Variants in ETV1 observed in about 807,000 individuals in gnomAD.
ETV1 encodes the protein ETS variant transcription factor 1.
In ETV1, 27 loss-of-function variants were observed where a neutral mutation model predicts 62.3. That is an observed-to-expected ratio of 0.43 (90% CI 0.32 to 0.60). The LOEUF (loss-of-function observed/expected upper bound fraction) is 0.60, where lower values mean the gene tolerates loss of function less well. ETV1 is among the 20% of genes least tolerant of loss of function. The probability of loss-of-function intolerance (pLI) is 0.06; values close to 1 mark genes in which losing one functional copy is unlikely to be tolerated. For synonymous variants in ETV1, 222 were observed against 199.6 expected (o/e 1.11, Z -0.94); for missense variants, 605 against 605.8 (o/e 1.00, Z 0.01).
At chr7:13,940,164 A>G (rs1787310620) in intron 6 of ETV1, among the ~76,000 whole-genome samples, 3 of 152,180 alleles carry the variant, frequency 2.0e-5, no homozygotes, top group African/African-American at 4.8e-5. Context: ...GGAGTTCAAG[A>G]CCAGCCTGAG....
In ETV1 at chr7:13,989,047, A is replaced by AGCAAG; in HGVS notation, c.5_6insCTTGC (p.Gly3LeufsTer50). On this transcript the variant is annotated frameshift_variant, in exon 3 of 14. Transcript: ENST00000430479. LOFTEE classifies it high-confidence loss of function. ...AAGGCACTTGCTGGTCATAAAATCC[A>AGCAAG]TCCATGCTGCTGCTCTTCGCAAATC... The AGCAAG allele has an allele frequency of 6.2e-7, 1 of 1,604,132 alleles. No homozygotes were observed. The highest frequency in any genetic ancestry group is 8.5e-7 in the Non-Finnish European group (1 of 1,175,064).
At chr7:13,969,064 A>G (rs879806447) in intron 6 of ETV1, among the ~76,000 whole-genome samples, 4 of 152,204 alleles carry the variant, frequency 2.6e-5, no homozygotes, top group African/African-American at 4.8e-5. Context: ...CATGGAACAC[A>G]TCTGCACCAG....
intron 6 of ETV1, among the ~76,000 whole-genome samples, chr7:13,965,674 C>T (rs959655308): frequency 2.0e-5 from 3 of 151,960 alleles, no homozygotes; most frequent in African/African-American, 7.3e-5. Flanking sequence ...AGTATTTGTC[C>T]TAATAGAGAT....
chr7:13,896,328 C>T (rs887182288), intron 13 of ETV1, among the ~76,000 whole-genome samples: 17 of 151,778 alleles, frequency 1.1e-4, no homozygotes, highest in African/African-American at 4.1e-4. Flanking sequence ...TAATTAATTC[C>T]AGATATAGCT....
intron 9 of ETV1, among the ~76,000 whole-genome samples, chr7:13,928,734 G>A (rs1785731006): frequency 1.3e-5 from 2 of 152,246 alleles, no homozygotes; most frequent in Admixed American, 6.5e-5. Flanking sequence ...AAGGTGGCCC[G>A]ATCACCAGAG....
At chr7:13,991,005 G>A (rs1467172485), upstream of ETV1, 2 of 152,410 alleles carry the variant, frequency 1.3e-5, no homozygotes, top group South Asian at 2.1e-4. Flanking sequence ...TAAAAAAGAA[G>A]CAAACAAACA....
intron 9 of ETV1, among the ~76,000 whole-genome samples, chr7:13,920,336 C>T (rs544842235): frequency 1.3e-5 from 2 of 152,218 alleles, no homozygotes; most frequent in South Asian, 4.1e-4. Context: ...CAAGCAGGAC[C>T]AATGAGCATT....
intron 13 of ETV1, among the ~76,000 whole-genome samples, chr7:13,898,442 A>G (rs187233745): frequency 5.8e-4 from 89 of 152,334 alleles, no homozygotes; most frequent in African/African-American, 2.1e-3. Flanking sequence ...CCAGAATATA[A>G]TCACCATTAA....
Position 13,986,618 on chromosome 7 carries a change from T to G in ETV1, c.181+20A>C. On this transcript the variant is annotated intron_variant, in intron 5 of 13. Transcript: ENST00000430479. Reference sequence around the variant, plus strand: ...CTTCTAGAGTTGCTTTCCCCCCTTTTAAAGCAAATTTTGCCTTACCTTCTG... The same window carrying G: ...CTTCTAGAGTTGCTTTCCCCCCTTTGAAAGCAAATTTTGCCTTACCTTCTG... The G allele has an allele frequency of 1.2e-6, 2 of 1,611,160 alleles. No homozygotes were observed. The highest frequency in any genetic ancestry group is 1.7e-6 in the Non-Finnish European group (2 of 1,178,228).
At position 13,895,107 on chromosome 7, in the gene ETV1, G is replaced by A. The variant is rs143793620; in HGVS notation, c.*759C>T. On this transcript the variant is annotated 3_prime_UTR_variant, in exon 14 of 14. Transcript: ENST00000430479. ...ATGGGCTTCAAAATATTTAAAAGACGGTATGATTTGTATCTAAACAGCAAG... is the reference window on the plus strand; with the variant it reads ...ATGGGCTTCAAAATATTTAAAAGACAGTATGATTTGTATCTAAACAGCAAG... The A allele has an allele frequency of 1.0e-3, 234 of 233,272 alleles. No individual in the cohort carries two copies. Among genetic ancestry groups the A allele is most frequent in the African/African-American group, 4.7e-3 (213 of 45,414 alleles). 14.5% of individuals were successfully genotyped at this position (233,272 alleles called of 1,614,324 possible). A position where few individuals can be genotyped will look rare whatever the true frequency, so the allele number is the denominator to read the frequency against.
chr7:13,920,955 A>T (rs6973935), intron 9 of ETV1, among the ~76,000 whole-genome samples: 2 of 152,044 alleles, frequency 1.3e-5, no homozygotes, highest in African/African-American at 4.8e-5. Flanking sequence ...CACTTTTCAC[A>T]ATTGAAGCAC....
intron 8 of ETV1, among the ~76,000 whole-genome samples, chr7:13,935,266 A>G (rs1428893133): frequency 6.6e-6 from 1 of 152,192 alleles, no homozygotes; most frequent in Non-Finnish European, 1.5e-5. Flanking sequence ...CAAATAAGTT[A>G]TATTCTGCAA....
At chr7:13,977,296 G>A (rs1052783517) in intron 6 of ETV1, 131 bp downstream of exon 6, 2 of 576,594 alleles carry the variant, frequency 3.5e-6, no homozygotes, top group African/African-American at 3.8e-5. Flanking sequence ...ATCATCTTAT[G>A]GCTGTAAGTT....
chr7:13,953,316 A>T (rs949503090), intron 6 of ETV1, among the ~76,000 whole-genome samples: 2 of 152,126 alleles, frequency 1.3e-5, no homozygotes, highest in Non-Finnish European at 2.9e-5. Context: ...CCTAATTATG[A>T]CCTTTATGAA....
chr7:13,977,704 G>A (rs551254246), intron 5 of ETV1, among the ~76,000 whole-genome samples: 7 of 152,188 alleles, frequency 4.6e-5, no homozygotes, highest in African/African-American at 1.7e-4. Context: ...GTCAGAAATA[G>A]GATGATGGCA....
chr7:13,956,930 A>C (rs1478848742), intron 6 of ETV1, among the ~76,000 whole-genome samples: 1 of 152,200 alleles, frequency 6.6e-6, no homozygotes, highest in African/African-American at 2.4e-5. Flanking sequence ...AAAATGTCAA[A>C]AAAATTAAGA....
At chr7:13,988,237 C>A in intron 3 of ETV1, 64 bp from the exon 4 acceptor site, 1 of 904,740 alleles carries the variant, frequency 1.1e-6, no homozygotes. Context: ...CACGCACACG[C>A]GCGCGCACAC....
intron 8 of ETV1, among the ~76,000 whole-genome samples, chr7:13,935,190 T>G (rs1339589440): frequency 6.6e-6 from 1 of 152,172 alleles, no homozygotes; most frequent in Non-Finnish European, 1.5e-5. Context: ...ATTCGCAGTG[T>G]CCAGAGTCAT....
intron 6 of ETV1, among the ~76,000 whole-genome samples, chr7:13,966,840 T>C (rs1450896911): frequency 6.6e-6 from 1 of 152,132 alleles, no homozygotes; most frequent in Non-Finnish European, 1.5e-5. Context: ...AGTAAGAACA[T>C]AAGCTCCATG....
Sources: gnomAD v4.1 joint callset for allele counts (sites outside exome capture counted in the v4.1 genomes callset) on GRCh38, gnomAD v4.1.1 for gene constraint, MANE v1.5 for transcripts, NCBI Gene and HGNC (gene_info 2026-07-23, HGNC 2026-07-21) for gene names.